Variants in HS1BP3 observed in about 807,000 individuals in gnomAD.
HS1BP3 encodes HCLS1 binding protein 3.
In HS1BP3, 32 loss-of-function variants were observed where a neutral mutation model predicts 33.5. The observed-to-expected ratio is 0.95, with a 90% confidence interval of 0.72 to 1.28. The LOEUF is 1.28. Among genes scored for constraint, HS1BP3 ranks in the 50% most tolerant of loss-of-function variants. The probability of loss-of-function intolerance (pLI) is 0.00; values close to 1 mark genes in which losing one functional copy is unlikely to be tolerated. For missense variants in HS1BP3, 486 were observed against 502.3 expected, an observed-to-expected ratio of 0.97 and a Z score of 0.31; for synonymous variants, 187 against 209.2, an observed-to-expected ratio of 0.89 and a Z score of 0.92.
At chr2:20,569,754 G>A (rs1261882003) in intron 5 of HS1BP3, among the ~76,000 whole-genome samples, 4 of 152,224 alleles carry the variant, frequency 2.6e-5, no homozygotes, top group Non-Finnish European at 5.9e-5. Context: ...GGGCACAGGG[G>A]ACCTCAAGTC....
intron 2 of HS1BP3, among the ~76,000 whole-genome samples, chr2:20,609,171 T>G (rs2348870): frequency 0.98 from 149,360 of 152,328 alleles, 73,300 homozygotes; most frequent in East Asian, 1. Flanking sequence ...GCACCGTCCT[T>G]GGGGGCAGAG....
At chr2:20,575,479 C>T (rs1467151711) in intron 5 of HS1BP3, among the ~76,000 whole-genome samples, 1 of 152,238 alleles carries the variant, frequency 6.6e-6, no homozygotes, top group Non-Finnish European at 1.5e-5. Flanking sequence ...CCTGTTTGGT[C>T]TCAACATGCA....
At chr2:20,613,750 G>A (rs1419715812), downstream of HS1BP3, among the ~76,000 whole-genome samples, 1 of 152,228 alleles carries the variant, frequency 6.6e-6, no homozygotes, top group Non-Finnish European at 1.5e-5. Context: ...CCCCTCACAT[G>A]GGAGTGAAAC....
downstream of HS1BP3, among the ~76,000 whole-genome samples, chr2:20,590,389 T>C (rs981603726): frequency 2.5e-4 from 38 of 152,188 alleles, no homozygotes; most frequent in African/African-American, 7.0e-4. Context: ...AGTCACCTTC[T>C]ATCACAGACT....
At chr2:20,566,259 C>T (rs989304190) in intron 5 of HS1BP3, among the ~76,000 whole-genome samples, 1 of 152,248 alleles carries the variant, frequency 6.6e-6, no homozygotes, top group Non-Finnish European at 1.5e-5. Context: ...ATCTCCCCCG[C>T]CTGTGCCGGG....
At chr2:20,578,794 A>G (rs900986483) in intron 5 of HS1BP3, among the ~76,000 whole-genome samples, 1 of 152,046 alleles carries the variant, frequency 6.6e-6, no homozygotes, top group Admixed American at 6.5e-5. Flanking sequence ...TGGGAAAGTA[A>G]TTTGCTCAAG....
intron 5 of HS1BP3, among the ~76,000 whole-genome samples, chr2:20,562,774 G>C (rs1345357938): frequency 6.6e-6 from 1 of 152,220 alleles, no homozygotes; most frequent in Admixed American, 6.5e-5. Context: ...CAGGCAGCTG[G>C]TGTCTGCTGG....
chr2:20,559,310 G>T (rs1692916946), downstream of HS1BP3, among the ~76,000 whole-genome samples: 1 of 152,254 alleles, frequency 6.6e-6, no homozygotes, highest in Non-Finnish European at 1.5e-5. Flanking sequence ...CATGAGGCCC[G>T]ATCTGACTCC....
At chr2:20,635,436 T>C (rs573753730) in intron 4 of HS1BP3, 5 of 152,274 alleles carry the variant, frequency 3.3e-5, no homozygotes, top group East Asian at 1.9e-4. Flanking sequence ...ATTTTGGCAG[T>C]AAGATGTGAA....
intron 1 of HS1BP3, among the ~76,000 whole-genome samples, chr2:20,649,387 C>T (rs1695617095): frequency 2.6e-5 from 4 of 152,226 alleles, no homozygotes; most frequent in Admixed American, 2.6e-4. Flanking sequence ...GGCGCCACTC[C>T]ATCAGAAAGA....
At chr2:20,642,397 T>A (rs1469068450) in intron 2 of HS1BP3, among the ~76,000 whole-genome samples, 1 of 152,100 alleles carries the variant, frequency 6.6e-6, no homozygotes. Flanking sequence ...GGGAGTCACC[T>A]GGGACAGGTG....
rs997957636 is a variant in HS1BP3 at position 20,651,067 on chromosome 2, G to A, written c.-4C>T. On this transcript the variant is annotated 5_prime_UTR_variant, in exon 1 of 7. Transcript: ENST00000304031. ...CGAGCACCGCCGGGGACTGCATGAC[G>A]GCGGCGGGGACTCCGGGCGGGGCGC... The A allele has an allele frequency of 6.5e-6, 8 of 1,233,688 alleles. No individual in the cohort carries two copies. The highest frequency in any genetic ancestry group is 1.5e-5 in the African/African-American group (1 of 64,650). The allele number at this position is 1,233,688 out of a possible 1,614,324, so 76.4% of individuals were successfully genotyped here. A position where few individuals can be genotyped will look rare whatever the true frequency, so the allele number is the denominator to read the frequency against.
downstream of HS1BP3, chr2:20,591,044 C>T (rs985322261): frequency 6.6e-5 from 11 of 167,186 alleles, no homozygotes; most frequent in African/African-American, 2.4e-4. Context: ...CTGCAGAGAC[C>T]ATGGGAGGAA....
At chr2:20,572,344 T>C (rs4666427) in intron 5 of HS1BP3, among the ~76,000 whole-genome samples, 110,271 of 152,190 alleles carry the variant, frequency 0.72, 43,148 homozygotes, top group Non-Finnish European at 0.85. Flanking sequence ...TGACACAGGC[T>C]ATGGGGCTAC....
intron 3 of HS1BP3, among the ~76,000 whole-genome samples, chr2:20,595,036 G>T (rs564063774): frequency 6.6e-6 from 1 of 152,316 alleles, no homozygotes; most frequent in East Asian, 1.9e-4. Flanking sequence ...TCTCGGGATA[G>T]ACAGAGCCCG....
downstream of HS1BP3, among the ~76,000 whole-genome samples, chr2:20,557,172 G>A (rs2149267887): frequency 6.6e-6 from 1 of 152,310 alleles, no homozygotes; most frequent in Non-Finnish European, 1.5e-5. Flanking sequence ...AAATTCTGAT[G>A]CAAATGCAAA....
intron 5 of HS1BP3, among the ~76,000 whole-genome samples, chr2:20,573,579 C>T (rs1402353983): frequency 6.6e-6 from 1 of 152,222 alleles, no homozygotes. Context: ...GCCAACAGCT[C>T]TAAAGGAGTC....
intron 5 of HS1BP3, among the ~76,000 whole-genome samples, chr2:20,586,838 T>C (rs1185374609): frequency 6.6e-6 from 1 of 152,186 alleles, no homozygotes; most frequent in Non-Finnish European, 1.5e-5. Flanking sequence ...AGTATGAACA[T>C]TTGCGTTTCG....
At chr2:20,598,551 T>C (rs1363418018) in intron 2 of HS1BP3, among the ~76,000 whole-genome samples, 1 of 23,466 alleles carries the variant, frequency 4.3e-5, no homozygotes, top group Non-Finnish European at 1.3e-4. Context: ...TTTTTTTTTT[T>C]TTTTTTTTTT....
Sources: allele counts gnomAD v4.1 joint callset (sites outside exome capture counted in the v4.1 genomes callset), GRCh38; gene constraint gnomAD v4.1.1; transcripts MANE v1.5; gene names NCBI Gene and HGNC (gene_info 2026-07-23, HGNC 2026-07-21).